Variants in IQCH observed in about 807,000 individuals in gnomAD.
IQCH encodes the protein IQ motif containing H, also known as IQ domain-containing protein H.
Under a neutral mutation model 117.0 loss-of-function variants are expected in IQCH, and 98 were observed. The observed-to-expected ratio is 0.84, with a 90% CI of 0.71 to 0.99. The LOEUF (loss-of-function observed/expected upper bound fraction) is 0.99. Ranked by LOEUF, IQCH falls within the 50% of genes least tolerant of loss-of-function variation. The pLI, the probability that IQCH is intolerant of heterozygous loss-of-function variation, is 0.00. For synonymous variants in IQCH, 412 were observed against 448.2 expected, an observed-to-expected ratio of 0.92 and a Z score of 1.02; for missense variants, 1,102 against 1,243.8, an observed-to-expected ratio of 0.89 and a Z score of 1.72.
rs2082693361 is a variant in IQCH at position 67,457,717 on chromosome 15, G to T, written c.2506-7410G>T. Among the ~76,000 whole-genome samples, 1 of 152,158 alleles carries T rather than the reference G, an allele frequency of 6.6e-6. No individual in the cohort carries two copies. The highest frequency in any genetic ancestry group is 1.5e-5 in the Non-Finnish European group (1 of 68,022). On this transcript the variant is annotated intron_variant, in intron 16 of 20. Transcript: ENST00000335894. The surrounding 1 kb of genome is among the most constrained non-coding windows in gnomAD (Gnocchi z 5.7). ...TAGACAAGGAAATAGGCCCAGAGAG[G>T]GGAAAGAAGTTGCTTAAGACCACAA...
chr15:67,421,214 A>T (rs768677070), intron 15 of IQCH, 77 bp from the exon 16 acceptor site: 2 of 1,243,094 alleles, frequency 1.6e-6, no homozygotes, highest in Non-Finnish European at 2.3e-6. Flanking sequence ...CTTTCAAGAC[A>T]TGGCAGATGC....
chr15:67,494,403 C>A lies in IQCH; in HGVS notation c.2970+37C>A. 7.1e-7 allele frequency: 1 copy of A among 1,404,422 alleles called. No individual in the cohort carries two copies. Among genetic ancestry groups the A allele is most frequent in the Non-Finnish European group, 1.0e-6 (1 of 999,248 alleles). 87.0% of individuals were successfully genotyped at this position (1,404,422 alleles called of 1,614,324 possible). ...ATTAACTAACGATTCTGGTTAATTT[C>A]TATACAAGGGCTGAAAATACCTCAT... On this transcript the variant is annotated intron_variant, in intron 20 of 20. Transcript: ENST00000335894. This position sits in a 1 kb window ranked among gnomAD's most constrained non-coding sequence, Gnocchi z 5.5.
rs1027142823 is a variant in IQCH, at chr15:67,454,107, G to C, written c.2506-11020G>C. 6.6e-6 allele frequency among the ~76,000 whole-genome samples: 1 copy of C among 152,172 alleles called. No individual in the cohort carries two copies. Among genetic ancestry groups the C allele is most frequent in the Non-Finnish European group, 1.5e-5 (1 of 68,014 alleles). ...CGCAGTATTAGGGTGGGAGTGACCC[G>C]ATTTTCCAGGTGCCATCTGTCACTC... On this transcript the variant is annotated intron_variant, in intron 16 of 20. Coordinates refer to ENST00000335894, the MANE Select transcript of IQCH (RefSeq NM_001031715.3). This position sits in a 1 kb window ranked among gnomAD's most constrained non-coding sequence, Gnocchi z 5.2.
intron 5 of IQCH, among the ~76,000 whole-genome samples, chr15:67,339,784 G>A (rs1969059275): frequency 6.6e-6 from 1 of 152,126 alleles, no homozygotes; most frequent in Non-Finnish European, 1.5e-5. Context: ...AATTTACATA[G>A]GTGGGGCAAG....
chr15:67,295,233 TC>T (rs1318318353), intron 4 of IQCH, among the ~76,000 whole-genome samples: 5 of 152,192 alleles, frequency 3.3e-5, no homozygotes, highest in Non-Finnish European at 7.4e-5. Context: ...TCTGCTAGTA[TC>T]CCCAGTATTC....
In IQCH at chr15:67,337,077, C is replaced by G; in HGVS notation, c.490C>G (p.Gln164Glu). ...CTATTTCACTCCTATACCAGTCTTA[C>G]AAGCAGATGCCCACAAAGGTTAGTG... ...DPYFTPIPVL[Q>E]ADAHKGILSM... The change falls in exon 5 of 21, where the codon CAA (glutamine) becomes GAA (glutamate). Residue 164 changes from glutamine (Q) to glutamate (E), a missense_variant. Gln to Glu is a conservative substitution (Grantham distance 29). Around this residue, in one of 2 missense-constraint regions of IQCH, gnomAD observed 452 missense variants for 449.6 expected, o/e 1.01. Transcript: ENST00000335894. 3 of 1,613,452 alleles carry G rather than the reference C, an allele frequency of 1.9e-6. No homozygotes were observed. The highest frequency in any genetic ancestry group is 2.5e-6 in the Non-Finnish European group (3 of 1,179,604).
intron 10 of IQCH, among the ~76,000 whole-genome samples, chr15:67,383,102 A>AG (rs2140824601): frequency 3.9e-5 from 1 of 25,792 alleles, no homozygotes; most frequent in South Asian, 2.4e-3. Context: ...TGCTTGTCAC[A>AG]GAGTTTGTTG....
chr15:67,410,357 A>G (rs1264923909), intron 14 of IQCH, among the ~76,000 whole-genome samples: 1 of 152,220 alleles, frequency 6.6e-6, no homozygotes, highest in East Asian at 1.9e-4. Flanking sequence ...TGATGTCACC[A>G]AGGACCCAGT....
In IQCH at chr15:67,430,458, G is replaced by C. The variant is rs1022515871; in HGVS notation, c.2505+8881G>C. ...TGACAAAGCTTATTTCATATCCATC[G>C]TCCCATTTTATTTGCTATACATGCA... On this transcript the variant is annotated intron_variant, in intron 16 of 20. Transcript: ENST00000335894. This position sits in a 1 kb window ranked among gnomAD's most constrained non-coding sequence, Gnocchi z 5.1. 1 of 152,022 alleles carries C rather than the reference G, an allele frequency of 6.6e-6. No homozygotes were observed. The highest frequency in any genetic ancestry group is 1.5e-5 in the Non-Finnish European group (1 of 68,004). The allele number at this position is 152,022 out of a possible 1,614,324, so 9.4% of individuals were successfully genotyped here.
chr15:67,479,019 A>G lies in IQCH; in HGVS notation c.2799+3201A>G, dbSNP rs1283082207. Among the ~76,000 whole-genome samples, 1 of 152,222 alleles carries G rather than the reference A, an allele frequency of 6.6e-6. No homozygotes were observed. The highest frequency in any genetic ancestry group is 1.5e-5 in the Non-Finnish European group (1 of 68,038). ...AGTTGAGTCACAAAAATTCTCCAGCAGTATCCTTGCTTTATTTTTCCTGAG... is the reference window on the plus strand; with the variant it reads ...AGTTGAGTCACAAAAATTCTCCAGCGGTATCCTTGCTTTATTTTTCCTGAG... On this transcript the variant is annotated intron_variant, in intron 18 of 20. Transcript: ENST00000335894. The surrounding 1 kb of genome is among the most constrained non-coding windows in gnomAD (Gnocchi z 4.6).
chr15:67,327,095 T>C (rs1968446040), intron 4 of IQCH, among the ~76,000 whole-genome samples: 1 of 152,222 alleles, frequency 6.6e-6, no homozygotes, highest in Non-Finnish European at 1.5e-5. Context: ...AAATGGAGGC[T>C]CGCTGTAGGA....
intron 18 of IQCH, among the ~76,000 whole-genome samples, chr15:67,477,637 A>G (rs1469603422): frequency 6.6e-6 from 1 of 152,274 alleles, no homozygotes; most frequent in Admixed American, 6.5e-5. Context: ...GGAATTAAAT[A>G]GATTTTAACC....
chr15:67,395,000 C>T (rs1175312356), intron 12 of IQCH, among the ~76,000 whole-genome samples: 4 of 152,170 alleles, frequency 2.6e-5, no homozygotes, highest in South Asian at 2.1e-4. Context: ...ACCCAAAGGC[C>T]GCCAGCCTCT....
chr15:67,351,953 A>G (rs1015922956), intron 6 of IQCH, among the ~76,000 whole-genome samples: 1 of 152,084 alleles, frequency 6.6e-6, no homozygotes, highest in Admixed American at 6.6e-5. Flanking sequence ...TACTGTATTT[A>G]CAGTTATTCT....
At chr15:67,464,286 A>G (rs1459512349) in intron 16 of IQCH, among the ~76,000 whole-genome samples, 1 of 152,176 alleles carries the variant, frequency 6.6e-6, no homozygotes, top group East Asian at 1.9e-4. Flanking sequence ...ATTAAGGTTG[A>G]TCTGCCACAG....
intron 7 of IQCH, among the ~76,000 whole-genome samples, chr15:67,358,295 A>G (rs550045880): frequency 7.2e-6 from 1 of 139,654 alleles, no homozygotes; most frequent in African/African-American, 2.7e-5. Flanking sequence ...CCGAGATTCA[A>G]GTGATTCTCA....
chr15:67,412,817 G>C (rs1240408675), intron 14 of IQCH, among the ~76,000 whole-genome samples: 1 of 152,140 alleles, frequency 6.6e-6, no homozygotes, highest in African/African-American at 2.4e-5. Context: ...AGCTAGCAAT[G>C]GTTCCCCTAA....
rs2081385693 is a variant in IQCH, at chr15:67,409,361, T to A, written c.2098-7570T>A. Reference sequence around the variant, plus strand: ...GCCTAGAAAGAAAACCACAGCCCCCTGTGGTGAGAGGAAAAAAGATACAGC... The same window carrying A: ...GCCTAGAAAGAAAACCACAGCCCCCAGTGGTGAGAGGAAAAAAGATACAGC... On this transcript the variant is annotated intron_variant, in intron 14 of 20. Coordinates refer to ENST00000335894, the MANE Select transcript of IQCH (RefSeq NM_001031715.3). Among the ~76,000 whole-genome samples, 3 of 152,138 alleles carry A rather than the reference T, an allele frequency of 2.0e-5. No homozygotes were observed. The South Asian group carries it at 6.2e-4, about 32-fold the overall frequency.
rs554953536 is a variant in IQCH, at chr15:67,391,133, A to G, written c.1632+2127A>G. Among the ~76,000 whole-genome samples the G allele has an allele frequency of 6.6e-6, 1 of 152,314 alleles. No homozygotes were observed. Among genetic ancestry groups the G allele is most frequent in the East Asian group, 1.9e-4 (1 of 5,180 alleles). ...CCCTTGCTAGTCCACTCTGGCTTCT[A>G]GTGGACTAGAAGCCAGGAGACAGGC... On this transcript the variant is annotated intron_variant, in intron 12 of 20. Transcript: ENST00000335894. This position sits in a 1 kb window ranked among gnomAD's most constrained non-coding sequence, Gnocchi z 4.3.
Sources: gnomAD v4.1 joint callset for allele counts (sites outside exome capture counted in the v4.1 genomes callset) on GRCh38, gnomAD v4.1.1 for gene constraint, gnomAD v4.1.1 regional missense constraint, Gnocchi (gnomAD v3.1) non-coding constraint, MANE v1.5 for transcripts, NCBI Gene and HGNC (gene_info 2026-07-23, HGNC 2026-07-21) for gene names.